The following GRIP1 variants were observed in gnomAD, a reference collection of about 807,000 sequenced individuals.
GRIP1 encodes glutamate receptor interacting protein 1, also known as glutamate receptor-interacting protein 1.
Under a neutral mutation model 129.9 loss-of-function variants are expected in GRIP1, and 45 were observed. The ratio of observed to expected loss-of-function variants is 0.35; its 90% CI spans 0.27 to 0.44. The LOEUF (loss-of-function observed/expected upper bound fraction) is 0.44, where lower values mean the gene tolerates loss of function less well. Ranked by LOEUF, GRIP1 falls within the 20% of genes least tolerant of loss-of-function variation. GRIP1 has a pLI of 1.00. For missense variants in GRIP1, 1,196 were observed against 1,396.8 expected (o/e 0.86, Z 2.29); for synonymous variants, 530 against 520.8 (o/e 1.02, Z -0.24).
intron 9 of GRIP1, among the ~76,000 whole-genome samples, chr12:66,460,102 G>A (rs1286379217): frequency 6.6e-6 from 1 of 152,162 alleles, no homozygotes; most frequent in Non-Finnish European, 1.5e-5. Context: ...GTATAGAAAA[G>A]TTGGGTAACT....
intron 13 of GRIP1, among the ~76,000 whole-genome samples, chr12:66,437,944 T>C (rs2058359959): frequency 6.6e-6 from 1 of 152,152 alleles, no homozygotes; most frequent in South Asian, 2.1e-4. Context: ...TTCACCCTGC[T>C]GTATGACCTT....
chr12:66,574,267 T>A (rs1373780430), intron 2 of GRIP1, among the ~76,000 whole-genome samples: 1 of 152,188 alleles, frequency 6.6e-6, no homozygotes, highest in Non-Finnish European at 1.5e-5. Context: ...ATAGCGGTTT[T>A]AAAAAAATTA....
intron 13 of GRIP1, among the ~76,000 whole-genome samples, chr12:66,439,395 C>A (rs940693038): frequency 1.4e-4 from 22 of 152,192 alleles, no homozygotes; most frequent in Admixed American, 1.4e-3. Context: ...TCATTCCTTT[C>A]TCTCACTATC....
intron 1 of GRIP1, among the ~76,000 whole-genome samples, chr12:67,012,563 A>G (rs531008803): frequency 2.6e-5 from 4 of 152,296 alleles, no homozygotes; most frequent in Admixed American, 6.5e-5. Context: ...TTGTGACAAG[A>G]GCTTCATATG....
intron 1 of GRIP1, among the ~76,000 whole-genome samples, chr12:66,820,521 T>C (rs1165831012): frequency 6.6e-6 from 1 of 152,196 alleles, no homozygotes; most frequent in Non-Finnish European, 1.5e-5. Flanking sequence ...CCTAAAGGTA[T>C]TAAAAATTAT....
rs1040469590 is a variant in GRIP1 at position 66,702,815 on chromosome 12, T to C, written c.-419-72479A>G. Among the ~76,000 whole-genome samples the C allele has an allele frequency of 7.9e-5, 12 of 152,192 alleles. 1 individual carries two copies. The highest frequency in any genetic ancestry group is 1.2e-4 in the African/African-American group (5 of 41,528). The stretch of plus-strand genomic sequence containing the variant: ...GGGTAAGGGTCTTTTCTGCAATCAA[T>C]AGAAAGGAGCAGTTAGAATTCAAGA... On this transcript the variant is annotated intron_variant, in intron 1 of 4. Coordinates refer to the GRIP1 transcript ENST00000538373.
At chr12:66,836,667 G>A (rs1378195943) in intron 1 of GRIP1, among the ~76,000 whole-genome samples, 2 of 152,288 alleles carry the variant, frequency 1.3e-5, no homozygotes, top group African/African-American at 2.4e-5. Context: ...ATGAAAGACT[G>A]GTATTGATAT....
chr12:66,821,540 GTCAAGCT>G (rs1293281498), intron 1 of GRIP1, among the ~76,000 whole-genome samples: 10 of 152,254 alleles, frequency 6.6e-5, no homozygotes, highest in African/African-American at 1.9e-4. Context: ...TTAAACAGAT[GTCAAGCT>G]GCAAAGATAA....
chr12:66,791,373 A>G (rs2038529287), intron 1 of GRIP1, among the ~76,000 whole-genome samples: 1 of 152,160 alleles, frequency 6.6e-6, no homozygotes, highest in Non-Finnish European at 1.5e-5. Context: ...GGAAAGGGAA[A>G]GAGAGTGGCT....
At chr12:66,379,506 A>C in intron 19 of GRIP1, 70 bp from the exon 20 acceptor site, 1 of 1,470,286 alleles carries the variant, frequency 6.8e-7, no homozygotes, top group South Asian at 1.1e-5. Flanking sequence ...GACATTGTTA[A>C]CCAGTAGAGG....
intron 1 of GRIP1, among the ~76,000 whole-genome samples, chr12:66,618,706 C>A (rs895563799): frequency 6.6e-6 from 1 of 151,992 alleles, no homozygotes; most frequent in African/African-American, 2.4e-5. Flanking sequence ...AATACATGTG[C>A]ATAATGAAAT....
At chr12:66,561,119 G>A (rs766746954) in intron 2 of GRIP1, among the ~76,000 whole-genome samples, 5 of 152,126 alleles carry the variant, frequency 3.3e-5, no homozygotes, top group Non-Finnish European at 7.4e-5. Context: ...TTAATTGTGG[G>A]AGCTGAAAAT....
At chr12:66,614,186 A>G (rs924509233) in intron 1 of GRIP1, among the ~76,000 whole-genome samples, 6 of 151,738 alleles carry the variant, frequency 4.0e-5, no homozygotes, top group Non-Finnish European at 5.9e-5. Flanking sequence ...CCTTGCTATC[A>G]CATCTACTTC....
chr12:66,809,794 G>A (rs532931525), intron 1 of GRIP1, among the ~76,000 whole-genome samples: 4 of 151,514 alleles, frequency 2.6e-5, no homozygotes, highest in Admixed American at 6.6e-5. Context: ...TGAGTAGCTC[G>A]GACTACAGGC....
At chr12:66,563,940 T>C (rs76894679) in intron 2 of GRIP1, 2,163 of 152,618 alleles carry the variant, frequency 0.014, 56 homozygotes, top group African/African-American at 0.05. Context: ...AGGTATAAAC[T>C]TTACATTTCC....
chr12:66,597,971 A>G (rs965094), intron 1 of GRIP1, among the ~76,000 whole-genome samples: 2,241 of 152,304 alleles, frequency 0.015, 56 homozygotes, highest in African/African-American at 0.051. Context: ...ATAATTATCT[A>G]GCATATTCAG....
At chr12:66,694,645 T>C (rs1225907901) in intron 1 of GRIP1, among the ~76,000 whole-genome samples, 1 of 152,218 alleles carries the variant, frequency 6.6e-6, no homozygotes. Context: ...TAGTGCGTGA[T>C]AAACAGTAAT....
intron 1 of GRIP1, among the ~76,000 whole-genome samples, chr12:66,856,443 G>A (rs1367639747): frequency 1.3e-5 from 2 of 152,160 alleles, no homozygotes; most frequent in African/African-American, 2.4e-5. Flanking sequence ...CCAACCTACA[G>A]AATGGGAGAA....
At chr12:66,389,847 G>C (rs934301572) in intron 19 of GRIP1, among the ~76,000 whole-genome samples, 1 of 152,100 alleles carries the variant, frequency 6.6e-6, no homozygotes, top group Non-Finnish European at 1.5e-5. Flanking sequence ...ATTCGTAAGG[G>C]AGGTCCACAG....
Sources: allele counts gnomAD v4.1 joint callset (sites outside exome capture counted in the v4.1 genomes callset), GRCh38; gene constraint gnomAD v4.1.1; transcripts MANE v1.5; gene names NCBI Gene and HGNC (gene_info 2026-07-23, HGNC 2026-07-21).